Variants in BRSK2 observed in about 807,000 individuals in gnomAD.
BRSK2 encodes the protein BR serine/threonine kinase 2.
BRSK2 carries 19 observed loss-of-function variants against 83.3 expected under a neutral mutation model. The observed-to-expected ratio is 0.23, with a 90% CI of 0.16 to 0.33. The LOEUF is 0.33. Ranked by LOEUF, BRSK2 falls within the 10% of genes least tolerant of loss-of-function variation. The pLI is 1.00. For synonymous variants in BRSK2, 519 were observed against 435.4 expected (o/e 1.19, Z -2.39); for missense variants, 798 against 1,042.3 (o/e 0.77, Z 3.23).
intron 1 of BRSK2, among the ~76,000 whole-genome samples, chr11:1,404,804 G>T (rs754030369): frequency 6.6e-6 from 1 of 152,222 alleles, no homozygotes; most frequent in Non-Finnish European, 1.5e-5. Flanking sequence ...GCGCCCTGGA[G>T]ATTACTGCTG....
chr11:1,460,552 G>C lies in BRSK2; in HGVS notation c.2040G>C (p.Glu680Asp). ...TAATTAAACAACTTTTTTCAGACGA[G>C]AAGAACGGGCAGGCGGCCCAGGCCC... is the stretch of plus-strand genomic sequence containing the variant. Reference protein sequence around the residue: ...FDVIKQLFSDEKNGQAAQAPS... With the variant: ...FDVIKQLFSDDKNGQAAQAPS... The change falls in exon 20 of 20, where the codon GAG (glutamate) becomes GAC (aspartate). Residue 680 changes from glutamate to aspartate, a missense_variant. Coordinates refer to ENST00000528841, the MANE Select transcript of BRSK2 (RefSeq NM_001256627.2). 6.6e-7 allele frequency: 1 copy of C among 1,522,428 alleles called. No homozygotes were observed. Among genetic ancestry groups the C allele is most frequent in the Non-Finnish European group, 8.8e-7 (1 of 1,140,474 alleles). The allele number at this position is 1,522,428 out of a possible 1,614,324, so 94.3% of individuals were successfully genotyped here. A position where few individuals can be genotyped will look rare whatever the true frequency, so the allele number is the denominator to read the frequency against.
Position 1,390,486 on chromosome 11 carries a change from C to T in BRSK2, c.91+111C>T, listed in dbSNP as rs954499929. ...CGCGAAGCCGCAGGCCCGGCCCGGG[C>T]CCCGGCCGCGAACAATGGGCGGCCC... On this transcript the variant is annotated intron_variant, in intron 1 of 19. Coordinates refer to ENST00000528841, the MANE Select transcript of BRSK2 (RefSeq NM_001256627.2). The surrounding 1 kb of genome is among the most constrained non-coding windows in gnomAD (Gnocchi z 6.8). 128 of 510,786 alleles carry T rather than the reference C, an allele frequency of 2.5e-4. No individual in the cohort carries two copies. In the African/African-American group the frequency reaches 2.6e-3, roughly 10 times the overall value. The allele number at this position is 510,786 out of a possible 1,614,324, so 31.6% of individuals were successfully genotyped here.
Position 1,427,831 on chromosome 11 carries a change from C to T in BRSK2, c.92-8209C>T, listed in dbSNP as rs1018685661. On this transcript the variant is annotated intron_variant, in intron 1 of 19. Coordinates refer to ENST00000528841, the MANE Select transcript of BRSK2 (RefSeq NM_001256627.2). ...TTCCAGTCCCCCATCCTCCAGGCTA[C>T]GGCCCAGTCAGGAGGGCCTCTCACA... is the stretch of plus-strand genomic sequence containing the variant. 6.6e-5 allele frequency among the ~76,000 whole-genome samples: 10 copies of T among 152,216 alleles called. No individual in the cohort carries two copies. In the East Asian group the frequency reaches 7.7e-4, roughly 12 times the overall value.
Position 1,435,661 on chromosome 11 carries a change from C to G in BRSK2, c.92-379C>G, listed in dbSNP as rs188480812. Among the ~76,000 whole-genome samples the G allele has an allele frequency of 1.2e-3, 180 of 148,846 alleles. 3 individuals are homozygous for G. The East Asian group carries it at 0.031, about 26-fold the overall frequency. Reference sequence around the variant, plus strand: ...TGCAGAAGGCTGCAGGTGGGGGTCTCGGCAGGGTGTGCGGGGGACAGCCTT... The same window carrying G: ...TGCAGAAGGCTGCAGGTGGGGGTCTGGGCAGGGTGTGCGGGGGACAGCCTT... On this transcript the variant is annotated intron_variant, in intron 1 of 19. Coordinates refer to ENST00000528841, the MANE Select transcript of BRSK2 (RefSeq NM_001256627.2).
intron 11 of BRSK2, 28 bp downstream of exon 11, chr11:1,445,696 C>A (rs201898131): frequency 2.5e-6 from 4 of 1,611,076 alleles, no homozygotes; most frequent in African/African-American, 2.7e-5. Flanking sequence ...GCCTCCAGCC[C>A]GGCCTGCACT....
At chr11:1,410,557 T>C (rs757009080) in intron 1 of BRSK2, 264 of 985,302 alleles carry the variant, frequency 2.7e-4, no homozygotes, top group Non-Finnish European at 3.1e-4. Context: ...ACGCCGCTTT[T>C]GATGTCGTCA....
rs199601915 is a variant in BRSK2, at chr11:1,449,772, C to T, written c.1227-4C>T. The T allele has an allele frequency of 5.0e-6, 8 of 1,611,986 alleles. No individual in the cohort carries two copies. The highest frequency in any genetic ancestry group is 1.7e-5 in the Admixed American group (1 of 59,956). On this transcript the variant is annotated splice_region_variant and splice_polypyrimidine_tract_variant and intron_variant, in intron 12 of 19. Coordinates refer to ENST00000528841, the MANE Select transcript of BRSK2 (RefSeq NM_001256627.2). ...GCAGTGGCCCTGTACCTTGTGACCT[C>T]CAGGTCTCGGTCCATCAGCGGTGCC...
chr11:1,406,907 CGT>C (rs373208775), intron 1 of BRSK2, among the ~76,000 whole-genome samples: 20 of 151,908 alleles, frequency 1.3e-4, no homozygotes, highest in African/African-American at 2.2e-4. Context: ...TGTCTGTGTG[CGT>C]GTGTGTGTGT....
intron 1 of BRSK2, among the ~76,000 whole-genome samples, chr11:1,404,036 G>A (rs183131237): frequency 6.8e-4 from 104 of 152,270 alleles, no homozygotes; most frequent in South Asian, 1.7e-3. Context: ...CCTGGGCTTC[G>A]CTCTTTGACC....
At chr11:1,393,015 G>C (rs1475824414) in intron 1 of BRSK2, among the ~76,000 whole-genome samples, 1 of 152,166 alleles carries the variant, frequency 6.6e-6, no homozygotes, top group Non-Finnish European at 1.5e-5. Flanking sequence ...GACTTAGGGG[G>C]ATGTAGGCTG....
Position 1,457,056 on chromosome 11 carries a change from C to T in BRSK2, c.1939+369C>T, listed in dbSNP as rs188659131. ...TAGCCTCTGACGCTGGCAGGTAAGGCGCCCGGCCTGTGCTGGGGCGGGGAG... is the reference window on the plus strand; with the variant it reads ...TAGCCTCTGACGCTGGCAGGTAAGGTGCCCGGCCTGTGCTGGGGCGGGGAG... On this transcript the variant is annotated intron_variant, in intron 18 of 19. Transcript: ENST00000528841. 45 of 1,571,736 alleles carry T rather than the reference C, an allele frequency of 2.9e-5. No individual in the cohort carries two copies. The highest frequency in any genetic ancestry group is 1.2e-4 in the Admixed American group (7 of 56,636).
intron 19 of BRSK2, 48 bp from the exon 20 acceptor site, chr11:1,460,452 T>TC (rs1847298174): frequency 6.6e-6 from 8 of 1,203,312 alleles, no homozygotes; most frequent in Non-Finnish European, 8.5e-6. Flanking sequence ...CCCTTTTTTT[T>TC]CTTTTTTCCT....
intron 18 of BRSK2, among the ~76,000 whole-genome samples, chr11:1,457,341 C>T (rs966593212): frequency 5.9e-5 from 9 of 152,222 alleles, no homozygotes; most frequent in African/African-American, 1.9e-4. Flanking sequence ...AGGGTCATGC[C>T]TCCAGCAGGG....
At chr11:1,440,567 A>C (rs1266442455) in intron 3 of BRSK2, among the ~76,000 whole-genome samples, 8 of 150,798 alleles carry the variant, frequency 5.3e-5, no homozygotes, top group South Asian at 2.1e-4. Flanking sequence ...CCCCACCCCA[A>C]CCCAGGCTCC....
Position 1,438,458 on chromosome 11 carries a change from T to C in BRSK2, c.272+67T>C. The C allele has an allele frequency of 6.8e-7, 1 of 1,470,274 alleles. No homozygotes were observed. The highest frequency in any genetic ancestry group is 9.5e-7 in the Non-Finnish European group (1 of 1,053,156). The allele number at this position is 1,470,274 out of a possible 1,614,324, so 91.1% of individuals were successfully genotyped here. A position where few individuals can be genotyped will look rare whatever the true frequency, so the allele number is the denominator to read the frequency against. On this transcript the variant is annotated intron_variant, in intron 3 of 19. Transcript: ENST00000528841. This position sits in a 1 kb window ranked among gnomAD's most constrained non-coding sequence, Gnocchi z 6.4. ...GCAGCTGTCGCTGCAGGGGTGGGTG[T>C]CTGGGGCTTGGGGAGCACAGGGGCT...
intron 1 of BRSK2, among the ~76,000 whole-genome samples, chr11:1,420,170 G>A (rs4963043): frequency 0.16 from 24,424 of 152,328 alleles, 2,584 homozygotes; most frequent in Non-Finnish European, 0.22. Flanking sequence ...GCATGTGTGC[G>A]TGTGTGCATG....
chr11:1,401,450 G>A (rs1274291240), intron 1 of BRSK2, among the ~76,000 whole-genome samples: 2 of 152,132 alleles, frequency 1.3e-5, no homozygotes, highest in African/African-American at 2.4e-5. Context: ...CTTCCTGCAC[G>A]GTCCAGGGTC....
chr11:1,456,589 C>G lies in BRSK2; in HGVS notation c.1850-9C>G. 6.2e-7 allele frequency: 1 copy of G among 1,609,654 alleles called. No homozygotes were observed. Among genetic ancestry groups the G allele is most frequent in the Non-Finnish European group, 8.5e-7 (1 of 1,178,736 alleles). ...GCCCGTCCAGGGCATAACCCCCTGTCTCCCCTAGGCCCCAGCCGTCGCTTC... is the reference window on the plus strand; with the variant it reads ...GCCCGTCCAGGGCATAACCCCCTGTGTCCCCTAGGCCCCAGCCGTCGCTTC... On this transcript the variant is annotated splice_polypyrimidine_tract_variant and intron_variant, in intron 17 of 19. Transcript: ENST00000528841.
At chr11:1,426,792 G>T (rs926444104) in intron 1 of BRSK2, among the ~76,000 whole-genome samples, 2 of 152,084 alleles carry the variant, frequency 1.3e-5, no homozygotes, top group African/African-American at 4.8e-5. Flanking sequence ...GGATGTGGCG[G>T]GGCTGCTGGG....
Sources: gnomAD v4.1 joint callset for allele counts (sites outside exome capture counted in the v4.1 genomes callset) on GRCh38, gnomAD v4.1.1 for gene constraint, Gnocchi (gnomAD v3.1) non-coding constraint, MANE v1.5 for transcripts, NCBI Gene and HGNC (gene_info 2026-07-23, HGNC 2026-07-21) for gene names.